PIP5K1B: variants seen among roughly 807,000 people sequenced by gnomAD.
PIP5K1B encodes phosphatidylinositol-4-phosphate 5-kinase type 1 beta.
Under a neutral mutation model 67.0 loss-of-function variants are expected in PIP5K1B, and 42 were observed. That is an observed-to-expected ratio of 0.63 (90% CI 0.49 to 0.81). The LOEUF (loss-of-function observed/expected upper bound fraction) is 0.81. Among genes scored for constraint, PIP5K1B ranks in the 30% least tolerant of loss-of-function variants. The pLI, the probability that PIP5K1B is intolerant of heterozygous loss-of-function variation, is 0.00. For missense variants in PIP5K1B, 459 were observed against 646.3 expected, an observed-to-expected ratio of 0.71 and a Z score of 3.14; for synonymous variants, 214 against 231.4, an observed-to-expected ratio of 0.92 and a Z score of 0.68.
Position 68,894,432 on chromosome 9 carries a change from A to G in PIP5K1B, c.565A>G (p.Asn189Asp). The part of the protein sequence containing the change: ...GGINIRIVVM[N>D]NVLPRSMRMH... ...CATTAATATCAGGATTGTGGTGATGAACAACGTTTTGCCACGCTCCATGAG... is the reference window on the plus strand; with the variant it reads ...CATTAATATCAGGATTGTGGTGATGGACAACGTTTTGCCACGCTCCATGAG... Residue 189 changes from asparagine (N) to aspartate (D), a missense_variant, in exon 8 of 16, where the codon AAC (asparagine) becomes GAC (aspartate). This residue lies in a region of PIP5K1B where 290 missense variants were observed against 474.4 expected (regional missense o/e 0.61). Coordinates refer to ENST00000265382, the MANE Select transcript of PIP5K1B (RefSeq NM_003558.4). 6.2e-7 allele frequency: 1 copy of G among 1,614,110 alleles called. No homozygotes were observed. Among genetic ancestry groups the G allele is most frequent in the East Asian group, 2.2e-5 (1 of 44,882 alleles).
chr9:68,886,395 A>ACAGCC (rs1221938210), intron 6 of PIP5K1B, among the ~76,000 whole-genome samples: 1 of 152,196 alleles, frequency 6.6e-6, no homozygotes, highest in East Asian at 1.9e-4. Flanking sequence ...GGTGACATTT[A>ACAGCC]CAGCCATACA....
intron 1 of PIP5K1B, among the ~76,000 whole-genome samples, chr9:68,709,590 C>T (rs778375918): frequency 2.0e-5 from 3 of 152,116 alleles, no homozygotes; most frequent in African/African-American, 4.8e-5. Flanking sequence ...CATCACCAGA[C>T]TCAGAAATAA....
intron 2 of PIP5K1B, among the ~76,000 whole-genome samples, chr9:68,795,145 G>A (rs948080584): frequency 6.6e-6 from 1 of 152,026 alleles, no homozygotes; most frequent in African/African-American, 2.4e-5. Context: ...TACTTTGTGT[G>A]TGTGTGAGAG....
intron 2 of PIP5K1B, among the ~76,000 whole-genome samples, chr9:68,773,057 C>G (rs11143693): frequency 0.12 from 18,928 of 152,210 alleles, 1,318 homozygotes; most frequent in Non-Finnish European, 0.16. Flanking sequence ...GTATGATAAT[C>G]TGACTCCAAG....
chr9:68,954,965 T>C (rs1828310725), intron 14 of PIP5K1B, among the ~76,000 whole-genome samples: 1 of 152,222 alleles, frequency 6.6e-6, no homozygotes, highest in Non-Finnish European at 1.5e-5. Flanking sequence ...ATGGAAAAGA[T>C]GGAAAATCAT....
intron 2 of PIP5K1B, among the ~76,000 whole-genome samples, chr9:68,808,175 G>T (rs1832971882): frequency 6.6e-6 from 1 of 152,214 alleles, no homozygotes; most frequent in Non-Finnish European, 1.5e-5. Flanking sequence ...TCCAGCCTGG[G>T]TGACAGAGCA....
chr9:68,767,921 AAATTAT>A (rs1360533272), intron 2 of PIP5K1B, among the ~76,000 whole-genome samples: 2 of 152,142 alleles, frequency 1.3e-5, no homozygotes, highest in Non-Finnish European at 2.9e-5. Flanking sequence ...GGAATAAATA[AAATTAT>A]AAGTTTATAG....
chr9:68,713,562 A>T (rs918774498), intron 1 of PIP5K1B, among the ~76,000 whole-genome samples: 1 of 152,124 alleles, frequency 6.6e-6, no homozygotes, highest in Non-Finnish European at 1.5e-5. Flanking sequence ...TAAACCCAGG[A>T]TGTGTTGAGG....
chr9:68,966,398 CA>C (rs1237673281), intron 14 of PIP5K1B: 4 of 152,182 alleles, frequency 2.6e-5, no homozygotes, highest in Non-Finnish European at 4.4e-5. Flanking sequence ...TCAAGGTAAA[CA>C]TTATCAATGA....
rs1474047798 is a variant in PIP5K1B, at chr9:68,761,113, T to C, written c.-86+18456T>C. On this transcript the variant is annotated intron_variant, in intron 2 of 15. Transcript: ENST00000265382. ...TAGCTGTGAGGCCTGGAGTATGGTA[T>C]TACCCAAGCCTTCTGATGTGGATAT... 3.3e-5 allele frequency among the ~76,000 whole-genome samples: 5 copies of C among 152,202 alleles called. No individual in the cohort carries two copies. In the East Asian group the frequency reaches 9.6e-4, roughly 29 times the overall value.
chr9:68,806,130 G>A (rs1016281482), intron 2 of PIP5K1B, among the ~76,000 whole-genome samples: 3 of 152,214 alleles, frequency 2.0e-5, no homozygotes, highest in Admixed American at 6.5e-5. Flanking sequence ...ATAATCTGCT[G>A]GTTTAGCCTA....
At chr9:68,894,757 A>T in intron 8 of PIP5K1B, 119 bp downstream of exon 8, 1 of 902,710 alleles carries the variant, frequency 1.1e-6, no homozygotes, top group Admixed American at 2.4e-5. Context: ...GTGGAATCCT[A>T]TCTTTCCCAA....
At chr9:68,771,632 C>CA (rs1830674855) in intron 2 of PIP5K1B, among the ~76,000 whole-genome samples, 1 of 152,246 alleles carries the variant, frequency 6.6e-6, no homozygotes, top group South Asian at 2.1e-4. Context: ...TTAATATACA[C>CA]AAAATACTTA....
intron 2 of PIP5K1B, among the ~76,000 whole-genome samples, chr9:68,762,794 C>T (rs965394821): frequency 2.6e-5 from 4 of 152,042 alleles, no homozygotes; most frequent in Non-Finnish European, 5.9e-5. Flanking sequence ...CACTTAGAAA[C>T]GTTTATGAGT....
intron 2 of PIP5K1B, among the ~76,000 whole-genome samples, chr9:68,753,503 C>A (rs1445049789): frequency 9.3e-6 from 1 of 107,820 alleles, no homozygotes; most frequent in Non-Finnish European, 1.8e-5. Context: ...CCATGCCCGG[C>A]TAATTTTGTT....
At chr9:68,709,475 C>T (rs957303755) in intron 1 of PIP5K1B, among the ~76,000 whole-genome samples, 2 of 152,152 alleles carry the variant, frequency 1.3e-5, no homozygotes, top group Admixed American at 1.3e-4. Context: ...TCAAGCAATC[C>T]ACAGGCATCG....
rs192173121 is a variant in PIP5K1B, at chr9:68,840,333, C to T, written c.69+17650C>T. On this transcript the variant is annotated intron_variant, in intron 4 of 15. Coordinates refer to ENST00000265382, the MANE Select transcript of PIP5K1B (RefSeq NM_003558.4). ...CGGAGGTTGTAGTGAACTGAGATCG[C>T]GCCATTGCACTCCAGCCTGGGCAAC... 3.4e-3 allele frequency among the ~76,000 whole-genome samples: 510 copies of T among 151,272 alleles called. 1 individual carries two copies. Among genetic ancestry groups the T allele is most frequent in the African/African-American group, 0.011 (462 of 41,142 alleles).
At chr9:68,708,443 T>C (rs993287266) in intron 1 of PIP5K1B, among the ~76,000 whole-genome samples, 1 of 152,204 alleles carries the variant, frequency 6.6e-6, no homozygotes, top group Non-Finnish European at 1.5e-5. Flanking sequence ...ACAGAGCCCA[T>C]TGTTGCTCTC....
intron 2 of PIP5K1B, among the ~76,000 whole-genome samples, chr9:68,799,555 T>C (rs62552132): frequency 0.097 from 14,740 of 152,018 alleles, 872 homozygotes; most frequent in Non-Finnish European, 0.14. Flanking sequence ...TATAGGCCAA[T>C]AAAATAGAAT....
Sources: gnomAD v4.1 joint callset for allele counts (sites outside exome capture counted in the v4.1 genomes callset) on GRCh38, gnomAD v4.1.1 for gene constraint, gnomAD v4.1.1 regional missense constraint, MANE v1.5 for transcripts, NCBI Gene and HGNC (gene_info 2026-07-23, HGNC 2026-07-21) for gene names.